The following FKBP5 variants were observed in gnomAD, a reference collection of about 807,000 sequenced individuals.
FKBP5 encodes the protein peptidyl-prolyl cis-trans isomerase FKBP5.
In FKBP5, 23 loss-of-function variants were observed where a neutral mutation model predicts 50.5. The ratio of observed to expected loss-of-function variants is 0.46; its 90% CI spans 0.33 to 0.65. FKBP5 has a LOEUF of 0.65. Among genes scored for constraint, FKBP5 ranks in the 30% least tolerant of loss-of-function variants. The pLI, the probability that FKBP5 is intolerant of heterozygous loss-of-function variation, is 0.02. For synonymous variants in FKBP5, 176 were observed against 190.6 expected (o/e 0.92, Z 0.63); for missense variants, 411 against 553.1 (o/e 0.74, Z 2.58).
chr6:35,616,614 A>G (rs943901339), intron 5 of FKBP5, among the ~76,000 whole-genome samples: 2 of 152,208 alleles, frequency 1.3e-5, no homozygotes, highest in Admixed American at 6.5e-5. Flanking sequence ...ATTGACTCCC[A>G]TCGCAAGTAT....
Position 35,606,533 on chromosome 6 carries a change from G to A in FKBP5, c.509-9129C>T, listed in dbSNP as rs542865479. ...AAATTAGCCGGGCGTGGTGGTGGGCGCCTGTAGTCCCAGCTACTCGGGAGG... is the reference window on the plus strand; with the variant it reads ...AAATTAGCCGGGCGTGGTGGTGGGCACCTGTAGTCCCAGCTACTCGGGAGG... On this transcript the variant is annotated intron_variant, in intron 5 of 10. Transcript: ENST00000357266. 5.7e-4 allele frequency among the ~76,000 whole-genome samples: 86 copies of A among 151,542 alleles called. 1 individual carries two copies. In the South Asian group the frequency reaches 6.7e-3, roughly 12 times the overall value.
intron 1 of FKBP5, among the ~76,000 whole-genome samples, chr6:35,653,718 C>G (rs1231129782): frequency 6.6e-6 from 1 of 152,072 alleles, no homozygotes; most frequent in Non-Finnish European, 1.5e-5. Flanking sequence ...ATTTTGAAGT[C>G]TTCATCAGTA....
chr6:35,595,992 T>C (rs1481228065), intron 6 of FKBP5, among the ~76,000 whole-genome samples: 2 of 152,134 alleles, frequency 1.3e-5, no homozygotes, highest in African/African-American at 4.8e-5. Flanking sequence ...GTGACGGCTA[T>C]GAAGAGTTCA....
At chr6:35,624,746 C>A (rs1388357163) in intron 3 of FKBP5, among the ~76,000 whole-genome samples, 1 of 152,124 alleles carries the variant, frequency 6.6e-6, no homozygotes, top group Non-Finnish European at 1.5e-5. Flanking sequence ...CCCAAAATCA[C>A]CTAATACAAG....
chr6:35,637,062 C>T lies in FKBP5; in HGVS notation c.202G>A (p.Asp68Asn). Residue 68 changes from aspartate (D) to asparagine (N), a missense_variant, in exon 3 of 11, where the codon GAT becomes AAT. By Grantham distance (23) the Asp-to-Asn change is conservative. Transcript: ENST00000357266. ...KGKLSNGKKF[D>N]SSHDRNEPFV... is the part of the protein sequence containing the mutation. ...GGTTCATTTCTATCATGACTGGAATCAAACTTCTTTCCATTTGACAATTTT... is the reference window on the plus strand; with the variant it reads ...GGTTCATTTCTATCATGACTGGAATTAAACTTCTTTCCATTTGACAATTTT... The T allele has an allele frequency of 1.2e-6, 2 of 1,610,258 alleles. No homozygotes were observed. The highest frequency in any genetic ancestry group is 1.7e-5 in the Admixed American group (1 of 58,726).
intron 2 of FKBP5, among the ~76,000 whole-genome samples, 185 bp downstream of exon 2, chr6:35,642,535 A>G (rs1370264349): frequency 6.6e-6 from 1 of 152,204 alleles, no homozygotes; most frequent in Non-Finnish European, 1.5e-5. Flanking sequence ...CCTGGGCAAC[A>G]TAACGAGACT....
Position 35,590,789 on chromosome 6 carries a change from C to T in FKBP5, c.756+341G>A, listed in dbSNP as rs538384671. 9.3e-5 allele frequency among the ~76,000 whole-genome samples: 14 copies of T among 150,404 alleles called. 1 individual carries two copies. In the South Asian group the frequency reaches 2.1e-3, roughly 22 times the overall value. Reference sequence around the variant, plus strand: ...TCCCCCAAGGAGCCACTTGGCAGAACGTGAACCTTTCTGTCCTCAACCCAG... The same window carrying T: ...TCCCCCAAGGAGCCACTTGGCAGAATGTGAACCTTTCTGTCCTCAACCCAG... On this transcript the variant is annotated intron_variant, in intron 7 of 10. Transcript: ENST00000357266.
chr6:35,666,224 T>G (rs983006828), intron 1 of FKBP5, among the ~76,000 whole-genome samples: 9 of 151,714 alleles, frequency 5.9e-5, no homozygotes, highest in African/African-American at 1.9e-4. Flanking sequence ...CTTCATATCT[T>G]TAGTAAGAGT....
rs1320131109 is a variant in FKBP5 at position 35,722,861 on chromosome 6, T to C, written c.-240-2313A>G. ...GGACTCAGACTTTCCAAGTAGCCCATAGGAGGGCAGCGACCAGGTTTTGTG... is the reference window on the plus strand; with the variant it reads ...GGACTCAGACTTTCCAAGTAGCCCACAGGAGGGCAGCGACCAGGTTTTGTG... On this transcript the variant is annotated intron_variant, in intron 1 of 11. Coordinates refer to the FKBP5 transcript ENST00000536438. Among the ~76,000 whole-genome samples the C allele has an allele frequency of 4.6e-5, 7 of 152,174 alleles. No homozygotes were observed. The East Asian group carries it at 7.7e-4, about 17-fold the overall frequency.
chr6:35,645,716 T>C (rs1296182996), intron 1 of FKBP5, among the ~76,000 whole-genome samples: 3 of 152,256 alleles, frequency 2.0e-5, no homozygotes, highest in South Asian at 4.1e-4. Flanking sequence ...TGAGGTGTCA[T>C]GATATCTGCC....
chr6:35,624,843 A>T (rs1329297414), intron 3 of FKBP5, among the ~76,000 whole-genome samples: 2 of 152,184 alleles, frequency 1.3e-5, no homozygotes, highest in African/African-American at 4.8e-5. Flanking sequence ...ACAAGTAATG[A>T]ACCAACGTGT....
chr6:35,668,055 A>G lies in FKBP5; in HGVS notation c.-20+20749T>C, dbSNP rs369143549. 3.3e-5 allele frequency among the ~76,000 whole-genome samples: 5 copies of G among 152,336 alleles called. No homozygotes were observed. The East Asian group carries it at 7.7e-4, about 23-fold the overall frequency. ...GGGAAAAAAATTATAGGAAATTTTT[A>G]TTTTATTTTCTTCACTAATTTAATT... On this transcript the variant is annotated intron_variant, in intron 1 of 10. Transcript: ENST00000357266.
At chr6:35,612,537 A>G (rs1763522053) in intron 5 of FKBP5, among the ~76,000 whole-genome samples, 1 of 152,260 alleles carries the variant, frequency 6.6e-6, no homozygotes, top group Non-Finnish European at 1.5e-5. Context: ...TGTTTGTATT[A>G]GTCCATTCTC....
chr6:35,716,560 G>A (rs1766515417), intron 2 of FKBP5, among the ~76,000 whole-genome samples: 1 of 152,034 alleles, frequency 6.6e-6, no homozygotes, highest in Non-Finnish European at 1.5e-5. Flanking sequence ...TTAGAAGACA[G>A]TTACCGTGTC....
At chr6:35,712,785 C>T (rs1398935453) in intron 2 of FKBP5, among the ~76,000 whole-genome samples, 2 of 152,220 alleles carry the variant, frequency 1.3e-5, no homozygotes, top group Non-Finnish European at 2.9e-5. Flanking sequence ...AGACTCACTT[C>T]TGATGGCAGG....
intron 5 of FKBP5, among the ~76,000 whole-genome samples, chr6:35,599,949 G>C (rs1425442554): frequency 6.6e-6 from 1 of 152,176 alleles, no homozygotes; most frequent in Non-Finnish European, 1.5e-5. Context: ...TCATCACTGT[G>C]GGAACATCTT....
chr6:35,724,991 C>A lies in FKBP5; in HGVS notation c.-241+3517G>T, dbSNP rs557709053. ...TGTGCCACAGTCTTTGGGTTCCAAA[C>A]GCTGTTGGGGGTTGGTGTGCAGAGA... On this transcript the variant is annotated intron_variant, in intron 1 of 11. Coordinates refer to the FKBP5 transcript ENST00000536438. 7.2e-5 allele frequency among the ~76,000 whole-genome samples: 11 copies of A among 152,230 alleles called. No homozygotes were observed. The East Asian group carries it at 2.1e-3, about 29-fold the overall frequency.
chr6:35,706,424 C>CAAA (rs71002595), intron 2 of FKBP5, among the ~76,000 whole-genome samples: 4 of 103,818 alleles, frequency 3.9e-5, no homozygotes, highest in East Asian at 2.5e-4. Context: ...AACTCTGTCT[C>CAAA]AAAAAAAAAA....
At chr6:35,667,080 A>T (rs189097850) in intron 1 of FKBP5, among the ~76,000 whole-genome samples, 3 of 144,836 alleles carry the variant, frequency 2.1e-5, no homozygotes, top group African/African-American at 7.5e-5. Flanking sequence ...CATGCCTTTT[A>T]AAAAAATCAG....
Sources: allele counts gnomAD v4.1 joint callset (sites outside exome capture counted in the v4.1 genomes callset), GRCh38; gene constraint gnomAD v4.1.1; transcripts MANE v1.5; gene names NCBI Gene and HGNC (gene_info 2026-07-23, HGNC 2026-07-21).